HDAC4: variants seen among roughly 807,000 people sequenced by gnomAD.
The protein encoded by HDAC4 is histone deacetylase 4, also known as histone deacetylase A.
HDAC4 carries 16 observed loss-of-function variants against 135.1 expected under a neutral mutation model. The observed-to-expected ratio is 0.12, with a 90% CI of 0.08 to 0.18. HDAC4 has a LOEUF of 0.18. Ranked by LOEUF, HDAC4 falls within the 10% of genes least tolerant of loss-of-function variation. The pLI, the probability that HDAC4 is intolerant of heterozygous loss-of-function variation, is 1.00. For synonymous variants in HDAC4, 685 were observed against 653.4 expected (o/e 1.05, Z -0.74); for missense variants, 1,143 against 1,511.8 (o/e 0.76, Z 4.05).
At position 239,392,710 on chromosome 2, in the gene HDAC4, T is replaced by C. The variant is rs551600947; in HGVS notation, c.-220+8268A>G. 1.1e-4 allele frequency among the ~76,000 whole-genome samples: 17 copies of C among 152,218 alleles called. No homozygotes were observed. In the South Asian group the frequency reaches 3.5e-3, roughly 32 times the overall value. On this transcript the variant is annotated intron_variant, in intron 1 of 26. Transcript: ENST00000543185. ...CTCGGACATGAGTCCTGGGGGTGGG[T>C]AAGTCCTCAATAGCCAGCTGGGATT...
At chr2:239,255,585 G>A (rs928294975) in intron 2 of HDAC4, among the ~76,000 whole-genome samples, 4 of 152,008 alleles carry the variant, frequency 2.6e-5, no homozygotes, top group Admixed American at 6.6e-5. Context: ...GAAATTGTAC[G>A]CACAGGCACC....
At chr2:239,195,464 C>T (rs2153058010) in intron 3 of HDAC4, among the ~76,000 whole-genome samples, 1 of 152,310 alleles carries the variant, frequency 6.6e-6, no homozygotes, top group African/African-American at 2.4e-5. Flanking sequence ...GGATGAGGCC[C>T]AAGCTGTCCC....
At chr2:239,238,109 G>A (rs564910045) in intron 2 of HDAC4, among the ~76,000 whole-genome samples, 63 of 152,212 alleles carry the variant, frequency 4.1e-4, no homozygotes, top group African/African-American at 1.4e-3. Context: ...ATGCTGAATT[G>A]TAAACATGAT....
At chr2:239,300,032 T>C (rs2125605344) in intron 2 of HDAC4, among the ~76,000 whole-genome samples, 1 of 152,304 alleles carries the variant, frequency 6.6e-6, no homozygotes, top group East Asian at 1.9e-4. Context: ...TGAGGGCATT[T>C]CTGCTCCTTG....
In HDAC4 at chr2:239,096,180, G is replaced by A. The variant is rs189661206; in HGVS notation, c.2234-1124C>T. On this transcript the variant is annotated intron_variant, in intron 16 of 26. Transcript: ENST00000543185. The stretch of plus-strand genomic sequence containing the variant: ...CTGCCTCTTGCCTGGAGGGCTTGCC[G>A]GCCCGGTTAGCACGAGAGGAACCCT... Among the ~76,000 whole-genome samples, 282 of 152,208 alleles carry A rather than the reference G, an allele frequency of 1.9e-3. 2 individuals carry two copies. The highest frequency in any genetic ancestry group is 6.8e-3 in the East Asian group (35 of 5,178).
intron 6 of HDAC4, among the ~76,000 whole-genome samples, chr2:239,159,103 C>T (rs934611870): frequency 2.0e-5 from 3 of 151,308 alleles, no homozygotes; most frequent in African/African-American, 4.9e-5. Context: ...CACACACACC[C>T]GCACTTCACA....
intron 5 of HDAC4, among the ~76,000 whole-genome samples, chr2:239,169,281 C>T (rs937137088): frequency 3.3e-5 from 5 of 152,236 alleles, no homozygotes; most frequent in East Asian, 1.9e-4. Flanking sequence ...ACCACAGAAG[C>T]GTGGAGGGGA....
intron 9 of HDAC4, among the ~76,000 whole-genome samples, chr2:239,137,536 T>C (rs1204397939): frequency 2.0e-5 from 3 of 152,002 alleles, no homozygotes; most frequent in Non-Finnish European, 4.4e-5. Flanking sequence ...CTTCCCTGGG[T>C]CCAGGGGGCC....
intron 5 of HDAC4, among the ~76,000 whole-genome samples, chr2:239,174,356 C>T (rs1356378228): frequency 1.3e-5 from 2 of 151,972 alleles, no homozygotes; most frequent in African/African-American, 4.8e-5. Flanking sequence ...GAAAAATGGG[C>T]AAGAGACTGG....
intron 5 of HDAC4, among the ~76,000 whole-genome samples, chr2:239,169,018 G>A (rs1034026593): frequency 6.6e-6 from 1 of 152,134 alleles, no homozygotes; most frequent in South Asian, 2.1e-4. Flanking sequence ...GATCCAAAAT[G>A]TTTTCTGAAG....
intron 6 of HDAC4, chr2:239,162,262 G>T: frequency 2.2e-6 from 1 of 455,488 alleles, no homozygotes; most frequent in Non-Finnish European, 4.4e-6. Flanking sequence ...CCTCACAGGG[G>T]GACCCAAGGC....
intron 1 of HDAC4, among the ~76,000 whole-genome samples, chr2:239,384,907 G>T (rs766363280): frequency 1.2e-4 from 19 of 152,194 alleles, no homozygotes; most frequent in Non-Finnish European, 2.1e-4. Flanking sequence ...GACCTGAGGA[G>T]GGGCTCAGGG....
intron 1 of HDAC4, among the ~76,000 whole-genome samples, chr2:239,389,356 T>C (rs924936281): frequency 2.0e-5 from 3 of 152,152 alleles, no homozygotes; most frequent in Non-Finnish European, 4.4e-5. Flanking sequence ...CTTTAAGAGT[T>C]GTAACACTTG....
chr2:239,294,632 T>G (rs1478164666), intron 2 of HDAC4, among the ~76,000 whole-genome samples: 1 of 151,968 alleles, frequency 6.6e-6, no homozygotes, highest in Non-Finnish European at 1.5e-5. Context: ...CACCCCAGAA[T>G]TCCTCATGGC....
chr2:239,344,719 C>T (rs1470807516), intron 2 of HDAC4, among the ~76,000 whole-genome samples: 1 of 152,176 alleles, frequency 6.6e-6, no homozygotes. Flanking sequence ...TGCTGTGCGT[C>T]AGAAAACGTA....
At chr2:239,108,846 C>A (rs990694102) in intron 14 of HDAC4, among the ~76,000 whole-genome samples, 3 of 152,230 alleles carry the variant, frequency 2.0e-5, no homozygotes, top group Non-Finnish European at 4.4e-5. Context: ...TCAGCATGGA[C>A]GGGCCCCCAG....
chr2:239,201,293 G>A (rs1445214820), intron 3 of HDAC4, among the ~76,000 whole-genome samples: 4 of 152,146 alleles, frequency 2.6e-5, no homozygotes, highest in African/African-American at 9.7e-5. Context: ...CCTCAGGCTG[G>A]GTGTGGTCAG....
chr2:239,330,026 GT>G, intron 2 of HDAC4, among the ~76,000 whole-genome samples: 1 of 152,336 alleles, frequency 6.6e-6, no homozygotes, highest in South Asian at 2.1e-4. Flanking sequence ...CTGGCCCGAC[GT>G]GGCCCCTGCC....
chr2:239,196,462 T>C (rs912286531), intron 3 of HDAC4, among the ~76,000 whole-genome samples: 6 of 152,318 alleles, frequency 3.9e-5, no homozygotes, highest in African/African-American at 1.4e-4. Flanking sequence ...TATGTGGCCC[T>C]GAAAACACGT....
Sources: allele counts gnomAD v4.1 joint callset (sites outside exome capture counted in the v4.1 genomes callset), GRCh38; gene constraint gnomAD v4.1.1; transcripts MANE v1.5; gene names NCBI Gene and HGNC (gene_info 2026-07-23, HGNC 2026-07-21).